ST6GALNAC5: variants seen among roughly 807,000 people sequenced by gnomAD.
ST6GALNAC5 encodes ST6 N-acetylgalactosaminide alpha-2,6-sialyltransferase 5, also known as alpha-N-acetylgalactosaminide alpha-2,6-sialyltransferase 5.
Under a neutral mutation model 33.6 loss-of-function variants are expected in ST6GALNAC5, and 27 were observed. That is an observed-to-expected ratio of 0.80 (90% confidence interval 0.59 to 1.11). The LOEUF is 1.11. Ranked by LOEUF, ST6GALNAC5 falls within the 50% of genes least tolerant of loss-of-function variation. ST6GALNAC5 has a pLI of 0.00. For missense variants in ST6GALNAC5, 428 were observed against 454.0 expected (o/e 0.94, Z 0.52); for synonymous variants, 194 against 171.2 (o/e 1.13, Z -1.04).
At chr1:76,968,571 C>T (rs1011892638) in intron 2 of ST6GALNAC5, among the ~76,000 whole-genome samples, 1 of 152,110 alleles carries the variant, frequency 6.6e-6, no homozygotes, top group Non-Finnish European at 1.5e-5. Flanking sequence ...GGGCATTTAG[C>T]CCATTTACAG....
chr1:77,031,721 C>T (rs1221378837), intron 2 of ST6GALNAC5, among the ~76,000 whole-genome samples: 1 of 152,196 alleles, frequency 6.6e-6, no homozygotes, highest in Non-Finnish European at 1.5e-5. Flanking sequence ...GAGACTATCA[C>T]TCTGGAATGG....
intron 2 of ST6GALNAC5, among the ~76,000 whole-genome samples, chr1:76,954,764 T>C (rs984473622): frequency 2.6e-5 from 4 of 152,096 alleles, no homozygotes; most frequent in Non-Finnish European, 5.9e-5. Context: ...TCAAACTAAT[T>C]GGGTGGCCAG....
chr1:77,044,187 C>A lies in ST6GALNAC5; in HGVS notation c.262-17C>A. The A allele has an allele frequency of 6.3e-7, 1 of 1,579,220 alleles. No homozygotes were observed. On this transcript the variant is annotated splice_polypyrimidine_tract_variant and intron_variant, in intron 2 of 4. Transcript: ENST00000477717. ...GCCCTTTGCCCCTGACAGTGTCCTTCTCCCCCTGCCTTCCAGCCCCTGAAA... is the reference window on the plus strand; with the variant it reads ...GCCCTTTGCCCCTGACAGTGTCCTTATCCCCCTGCCTTCCAGCCCCTGAAA...
At chr1:77,016,589 A>G (rs916420000) in intron 2 of ST6GALNAC5, among the ~76,000 whole-genome samples, 2 of 151,936 alleles carry the variant, frequency 1.3e-5, no homozygotes, top group Non-Finnish European at 2.9e-5. Flanking sequence ...CTTGGTGCTA[A>G]TTAGAGATGG....
intron 2 of ST6GALNAC5, among the ~76,000 whole-genome samples, chr1:76,928,781 TC>T (rs1300964100): frequency 6.6e-6 from 1 of 152,080 alleles, no homozygotes; most frequent in Non-Finnish European, 1.5e-5. Flanking sequence ...ATTAATCACT[TC>T]CAAGGCTGTT....
intron 2 of ST6GALNAC5, among the ~76,000 whole-genome samples, chr1:77,031,015 T>A (rs1207817388): frequency 1.3e-5 from 2 of 152,176 alleles, no homozygotes; most frequent in Non-Finnish European, 2.9e-5. Context: ...TAACTTGCAT[T>A]GTGCACATAA....
At chr1:77,056,540 A>G (rs1386000487) in intron 4 of ST6GALNAC5, among the ~76,000 whole-genome samples, 1 of 152,230 alleles carries the variant, frequency 6.6e-6, no homozygotes, top group Non-Finnish European at 1.5e-5. Context: ...CAAAGGTATC[A>G]TGAATATCAG....
chr1:76,992,490 T>TTTAAC (rs1649776409), intron 2 of ST6GALNAC5, among the ~76,000 whole-genome samples: 1 of 21,126 alleles, frequency 4.7e-5, no homozygotes, highest in Non-Finnish European at 1.2e-4. Flanking sequence ...GTGGTCCCTC[T>TTTAAC]TTAATTTAAT....
chr1:77,048,519 C>T (rs1199026287), intron 3 of ST6GALNAC5, among the ~76,000 whole-genome samples: 1 of 152,168 alleles, frequency 6.6e-6, no homozygotes, highest in Non-Finnish European at 1.5e-5. Context: ...CTCCTTCAGT[C>T]TCAAAGGTCT....
chr1:76,897,471 A>G (rs1178218733), intron 2 of ST6GALNAC5, among the ~76,000 whole-genome samples: 1 of 152,186 alleles, frequency 6.6e-6, no homozygotes, highest in African/African-American at 2.4e-5. Flanking sequence ...CAGGTGAGTG[A>G]TAACAGGCTT....
intron 2 of ST6GALNAC5, among the ~76,000 whole-genome samples, chr1:77,021,426 G>T (rs1450812478): frequency 6.6e-6 from 1 of 152,088 alleles, no homozygotes; most frequent in Non-Finnish European, 1.5e-5. Flanking sequence ...AAATAGTACA[G>T]GTAAGACTCC....
intron 2 of ST6GALNAC5, among the ~76,000 whole-genome samples, chr1:77,002,467 C>G (rs535511146): frequency 3.3e-4 from 49 of 148,914 alleles, no homozygotes; most frequent in African/African-American, 8.7e-4. Context: ...ATTTTTTGAA[C>G]GGTTTTTTGT....
At chr1:76,891,882 C>T (rs559074195) in intron 2 of ST6GALNAC5, among the ~76,000 whole-genome samples, 7 of 152,020 alleles carry the variant, frequency 4.6e-5, no homozygotes, top group South Asian at 2.1e-4. Context: ...AAAAATAAAC[C>T]GCATATCTAT....
rs183884162 is a variant in ST6GALNAC5, at chr1:76,941,137, C to T, written c.261+72395C>T. On this transcript the variant is annotated intron_variant, in intron 2 of 4. Transcript: ENST00000477717. The stretch of plus-strand genomic sequence containing the variant: ...ATGTCAGGATTGAGAACTCTGTGAG[C>T]TTAGGCAATGGGTTCAATGTTTTGA... Among the ~76,000 whole-genome samples the T allele has an allele frequency of 3.6e-3, 553 of 152,154 alleles. 2 individuals carry two copies. The highest frequency in any genetic ancestry group is 4.2e-3 in the Non-Finnish European group (284 of 67,972).
At chr1:76,976,448 T>G (rs369022471) in intron 2 of ST6GALNAC5, among the ~76,000 whole-genome samples, 1 of 152,134 alleles carries the variant, frequency 6.6e-6, no homozygotes, top group African/African-American at 2.4e-5. Context: ...ACTTGAAGAT[T>G]TCCATTATTT....
chr1:76,934,298 A>G (rs1050169858), intron 2 of ST6GALNAC5, among the ~76,000 whole-genome samples: 3 of 152,012 alleles, frequency 2.0e-5, no homozygotes, highest in South Asian at 2.1e-4. Context: ...TCTCAATGCA[A>G]ATGGAGTTAC....
intron 2 of ST6GALNAC5, among the ~76,000 whole-genome samples, chr1:76,959,582 G>A (rs539283116): frequency 6.6e-6 from 1 of 152,314 alleles, no homozygotes; most frequent in East Asian, 1.9e-4. Flanking sequence ...AGCGCAGAGT[G>A]GACAGGACCA....
At chr1:76,917,183 T>C (rs553288717) in intron 2 of ST6GALNAC5, among the ~76,000 whole-genome samples, 1 of 152,302 alleles carries the variant, frequency 6.6e-6, no homozygotes, top group East Asian at 1.9e-4. Flanking sequence ...TACTTTATTA[T>C]TGCTCTTTGC....
At chr1:76,917,783 G>T (rs1217633299) in intron 2 of ST6GALNAC5, among the ~76,000 whole-genome samples, 1 of 152,084 alleles carries the variant, frequency 6.6e-6, no homozygotes, top group Non-Finnish European at 1.5e-5. Context: ...TATAAGTTCT[G>T]ATACAAAGGC....
Sources: gnomAD v4.1 joint callset for allele counts (sites outside exome capture counted in the v4.1 genomes callset) on GRCh38, gnomAD v4.1.1 for gene constraint, MANE v1.5 for transcripts, NCBI Gene and HGNC (gene_info 2026-07-23, HGNC 2026-07-21) for gene names.